SLC1A2: variants seen among roughly 807,000 people sequenced by gnomAD.
SLC1A2 encodes the protein excitatory amino acid transporter 2.
In SLC1A2, 15 loss-of-function variants were observed where a neutral mutation model predicts 48.8. The observed-to-expected ratio is 0.31, with a 90% confidence interval of 0.21 to 0.47. The LOEUF (loss-of-function observed/expected upper bound fraction) is 0.47. Ranked by LOEUF, SLC1A2 falls within the 20% of genes least tolerant of loss-of-function variation. The pLI is 0.99. For synonymous variants in SLC1A2, 279 were observed against 272.6 expected (o/e 1.02, Z -0.23); for missense variants, 502 against 730.5 (o/e 0.69, Z 3.61).
At chr11:35,308,665 T>C (rs1851589467) in intron 4 of SLC1A2, among the ~76,000 whole-genome samples, 1 of 152,150 alleles carries the variant, frequency 6.6e-6, no homozygotes. Context: ...AGCAGAGACC[T>C]CATGGCCTAA....
At chr11:35,395,715 G>T in intron 1 of SLC1A2, among the ~76,000 whole-genome samples, 2 of 143,296 alleles carry the variant, frequency 1.4e-5, no homozygotes, top group African/African-American at 2.6e-5. Context: ...TAGGGTACAT[G>T]TGCACATTGT....
intron 1 of SLC1A2, among the ~76,000 whole-genome samples, chr11:35,408,484 T>C (rs1288799223): frequency 6.6e-6 from 1 of 152,186 alleles, no homozygotes; most frequent in African/African-American, 2.4e-5. Flanking sequence ...CACTTTTGCT[T>C]CTTCATCATT....
intron 1 of SLC1A2, chr11:35,391,176 C>T (rs1263462772): frequency 6.6e-6 from 1 of 152,136 alleles, no homozygotes; most frequent in Non-Finnish European, 1.5e-5. Context: ...CAGCCTTGCT[C>T]GCTTATTTAC....
At chr11:35,305,740 G>T (rs1320613560) in intron 5 of SLC1A2, among the ~76,000 whole-genome samples, 7 of 152,188 alleles carry the variant, frequency 4.6e-5, no homozygotes, top group Non-Finnish European at 8.8e-5. Context: ...AGAAACGAAA[G>T]CAATGGATGT....
intron 1 of SLC1A2, among the ~76,000 whole-genome samples, chr11:35,350,339 A>T (rs1006422339): frequency 6.6e-6 from 1 of 152,212 alleles, no homozygotes; most frequent in African/African-American, 2.4e-5. Context: ...GGGATAGAAG[A>T]TGGTGTCAAA....
chr11:35,283,384 C>T (rs563844103), intron 8 of SLC1A2, among the ~76,000 whole-genome samples: 27 of 152,202 alleles, frequency 1.8e-4, no homozygotes, highest in Non-Finnish European at 3.2e-4. Context: ...AGTATATACA[C>T]CCGTGGTGGG....
intron 9 of SLC1A2, among the ~76,000 whole-genome samples, chr11:35,275,895 C>T (rs576073230): frequency 1.3e-5 from 2 of 152,208 alleles, no homozygotes; most frequent in East Asian, 3.9e-4. Context: ...TAATGAGCAC[C>T]CAATAGTCAC....
intron 1 of SLC1A2, chr11:35,380,438 G>C: frequency 2.5e-6 from 1 of 398,560 alleles, no homozygotes; most frequent in East Asian, 3.6e-5. Context: ...AGTTATTCTA[G>C]GTGATCTCTT....
chr11:35,391,852 TA>T lies in SLC1A2; in HGVS notation c.17+27097del, dbSNP rs571915810. Among the ~76,000 whole-genome samples, 572 of 152,232 alleles carry T rather than the reference TA, an allele frequency of 3.8e-3. 4 individuals are homozygous for T. The highest frequency in any genetic ancestry group is 0.013 in the African/African-American group (545 of 41,532). On this transcript the variant is annotated intron_variant, in intron 1 of 10. Coordinates refer to ENST00000278379, the MANE Select transcript of SLC1A2 (RefSeq NM_004171.4). Reference sequence around the variant, plus strand: ...CCTCAAACCTAAGGACTTCAAATACTAGATTTGGTAACTCTGGATATCCAAA... The same window carrying T: ...CCTCAAACCTAAGGACTTCAAATACTGATTTGGTAACTCTGGATATCCAAA...
intron 6 of SLC1A2, chr11:35,298,359 C>A (rs1010740814): frequency 1.3e-5 from 2 of 152,058 alleles, no homozygotes; most frequent in African/African-American, 4.8e-5. Flanking sequence ...TTATTATAAT[C>A]TTTTCAATGT....
upstream of SLC1A2, among the ~76,000 whole-genome samples, chr11:35,420,365 A>G (rs1302763261): frequency 6.6e-6 from 1 of 152,024 alleles, no homozygotes; most frequent in Non-Finnish European, 1.5e-5. Flanking sequence ...AGACCTGTGC[A>G]GCTTTGATTA....
intron 1 of SLC1A2, among the ~76,000 whole-genome samples, chr11:35,341,300 C>T (rs939817881): frequency 4.6e-5 from 7 of 152,040 alleles, no homozygotes; most frequent in African/African-American, 1.7e-4. Context: ...CGCACCTTAC[C>T]AACAAGTATT....
chr11:35,269,593 G>A (rs115013620), intron 9 of SLC1A2, among the ~76,000 whole-genome samples: 2,010 of 152,256 alleles, frequency 0.013, 48 homozygotes, highest in African/African-American at 0.045. Flanking sequence ...GTTTACAAAC[G>A]ACTGCTTCTT....
At chr11:35,387,896 A>G (rs1429998151) in intron 1 of SLC1A2, among the ~76,000 whole-genome samples, 5 of 152,260 alleles carry the variant, frequency 3.3e-5, no homozygotes, top group Non-Finnish European at 7.3e-5. Flanking sequence ...CCAAAAATTC[A>G]TATATAAAAG....
chr11:35,291,054 C>T (rs1013514373), intron 7 of SLC1A2, among the ~76,000 whole-genome samples: 1 of 152,142 alleles, frequency 6.6e-6, no homozygotes, highest in African/African-American at 2.4e-5. Flanking sequence ...AGTGGCACCT[C>T]CCTAGCATTG....
chr11:35,330,166 G>A (rs765792628), intron 1 of SLC1A2, among the ~76,000 whole-genome samples: 3 of 152,110 alleles, frequency 2.0e-5, no homozygotes, highest in Non-Finnish European at 4.4e-5. Context: ...TTCTGCTCAG[G>A]GTTTTCTCTT....
chr11:35,265,802 A>T, intron 9 of SLC1A2, 44 bp from the exon 10 acceptor site: 1 of 1,280,026 alleles, frequency 7.8e-7, no homozygotes, highest in Non-Finnish European at 1.1e-6. Flanking sequence ...AAGCAGTATT[A>T]TGTGGTAGTT....
At chr11:35,393,120 TC>T (rs1854834258) in intron 1 of SLC1A2, among the ~76,000 whole-genome samples, 1 of 152,138 alleles carries the variant, frequency 6.6e-6, no homozygotes, top group African/African-American at 2.4e-5. Context: ...ATCTCTATCC[TC>T]CTTCTTGGTG....
In SLC1A2 at chr11:35,281,015, G is replaced by A. The variant is rs756742672; in HGVS notation, c.1287-14C>T. On this transcript the variant is annotated splice_polypyrimidine_tract_variant and intron_variant, in intron 8 of 10. Coordinates refer to ENST00000278379, the MANE Select transcript of SLC1A2 (RefSeq NM_004171.4). ...GTGGCTGTGAGGCTATGAGAACAGA[G>A]AAGTTCAGGTCATGGAAATGGAAAG... 1 of 1,589,170 alleles carries A rather than the reference G, an allele frequency of 6.3e-7. No homozygotes were observed. Among genetic ancestry groups the A allele is most frequent in the Non-Finnish European group, 8.6e-7 (1 of 1,168,494 alleles).
Sources: allele counts gnomAD v4.1 joint callset (sites outside exome capture counted in the v4.1 genomes callset), GRCh38; gene constraint gnomAD v4.1.1; transcripts MANE v1.5; gene names NCBI Gene and HGNC (gene_info 2026-07-23, HGNC 2026-07-21).